Variants in TSPAN9 observed in about 807,000 individuals in gnomAD.
TSPAN9 encodes tetraspanin 9.
Under a neutral mutation model 31.0 loss-of-function variants are expected in TSPAN9, and 16 were observed. The observed-to-expected ratio is 0.52, with a 90% CI of 0.35 to 0.78. The LOEUF is 0.78. TSPAN9 is among the 30% of genes least tolerant of loss of function. The pLI is 0.01. For missense variants in TSPAN9, 272 were observed against 312.5 expected (o/e 0.87, Z 0.98); for synonymous variants, 145 against 121.6 (o/e 1.19, Z -1.27).
chr12:3,284,861 T>C lies in TSPAN9; in HGVS notation c.*1745T>C, dbSNP rs1862983440. 6.6e-6 allele frequency: 1 copy of C among 152,290 alleles called. No individual in the cohort carries two copies. The allele number at this position is 152,290 out of a possible 1,614,324, so 9.4% of individuals were successfully genotyped here. A position where few individuals can be genotyped will look rare whatever the true frequency, so the allele number is the denominator to read the frequency against. On this transcript the variant is annotated 3_prime_UTR_variant, in exon 9 of 9. Coordinates refer to ENST00000011898, the MANE Select transcript of TSPAN9 (RefSeq NM_006675.5). ...CTCTTCTCCAGCCTCCACCTGCCTG[T>C]CTGATCCAAGAGCTGAGACACGGCC...
At chr12:3,163,173 A>G (rs906929109) in intron 2 of TSPAN9, among the ~76,000 whole-genome samples, 1 of 152,174 alleles carries the variant, frequency 6.6e-6, no homozygotes, top group African/African-American at 2.4e-5. Flanking sequence ...GAATGAATGA[A>G]TGCTTTTCTA....
chr12:3,280,569 C>T lies in TSPAN9; in HGVS notation c.432+86C>T, dbSNP rs528458922. 109 of 1,275,744 alleles carry T rather than the reference C, an allele frequency of 8.5e-5. No homozygotes were observed. In the African/African-American group the frequency reaches 8.7e-4, roughly 10 times the overall value. The allele number at this position is 1,275,744 out of a possible 1,614,324, so 79.0% of individuals were successfully genotyped here. On this transcript the variant is annotated intron_variant, in intron 6 of 8. Coordinates refer to ENST00000011898, the MANE Select transcript of TSPAN9 (RefSeq NM_006675.5). This position sits in a 1 kb window ranked among gnomAD's most constrained non-coding sequence, Gnocchi z 4.5. ...TAGCTGCCTTCCCCGGTGACCTGGC[C>T]GGGCACCTGTGCTTTCTGGATTTTA... is the stretch of plus-strand genomic sequence containing the variant.
intron 3 of TSPAN9, among the ~76,000 whole-genome samples, chr12:3,201,569 C>T (rs933548984): frequency 3.9e-5 from 6 of 152,194 alleles, no homozygotes; most frequent in African/African-American, 7.2e-5. Context: ...GTGCCTCCGA[C>T]TGGGCAGCCT....
intron 3 of TSPAN9, among the ~76,000 whole-genome samples, chr12:3,228,393 A>C (rs2098388976): frequency 6.6e-6 from 1 of 152,182 alleles, no homozygotes. Context: ...AGCTCTCCTC[A>C]CATCCTGCTT....
At chr12:3,194,514 G>A (rs2098366144) in intron 2 of TSPAN9, among the ~76,000 whole-genome samples, 3 of 152,148 alleles carry the variant, frequency 2.0e-5, no homozygotes, top group African/African-American at 7.2e-5. Context: ...AGCCTCCTGA[G>A]TAGCTGGGAC....
intron 7 of TSPAN9, 125 bp from the exon 8 acceptor site, chr12:3,281,609 T>C (rs1210278031): frequency 1.6e-6 from 2 of 1,225,736 alleles, no homozygotes; most frequent in South Asian, 1.5e-5. Flanking sequence ...GGGACAGGGC[T>C]GAGGCCAGGG....
chr12:3,130,743 G>A (rs1377162051), intron 2 of TSPAN9, among the ~76,000 whole-genome samples: 4 of 152,200 alleles, frequency 2.6e-5, no homozygotes, highest in Non-Finnish European at 5.9e-5. Context: ...TTAGCAGAGT[G>A]TCTGGCACAC....
chr12:3,180,521 A>G (rs1406316571), intron 2 of TSPAN9, among the ~76,000 whole-genome samples: 1 of 152,118 alleles, frequency 6.6e-6, no homozygotes, highest in Non-Finnish European at 1.5e-5. Context: ...AGCCGATTTT[A>G]TAACCCAATA....
chr12:3,189,293 A>G (rs978435782), intron 2 of TSPAN9, among the ~76,000 whole-genome samples: 4 of 152,186 alleles, frequency 2.6e-5, no homozygotes, highest in African/African-American at 9.6e-5. Context: ...TGTTGCTGGA[A>G]GCAGAGGGCA....
At chr12:3,268,717 C>T in intron 3 of TSPAN9, among the ~76,000 whole-genome samples, 1 of 108,868 alleles carries the variant, frequency 9.2e-6, no homozygotes, top group Non-Finnish European at 1.9e-5. Context: ...TGCGTTCCTG[C>T]AGCCTGCCCT....
At chr12:3,211,665 A>G (rs2098378792) in intron 3 of TSPAN9, 3 of 1,483,684 alleles carry the variant, frequency 2.0e-6, no homozygotes, top group Admixed American at 1.7e-5. Context: ...GAGTGCTTTT[A>G]GTGCTGCTTC....
intron 3 of TSPAN9, among the ~76,000 whole-genome samples, chr12:3,237,679 G>A (rs1245881498): frequency 6.6e-6 from 1 of 152,204 alleles, no homozygotes; most frequent in East Asian, 1.9e-4. Context: ...AGAACAAATG[G>A]CAGTTTTATG....
intron 2 of TSPAN9, among the ~76,000 whole-genome samples, chr12:3,117,437 C>G (rs1473825079): frequency 6.6e-6 from 1 of 151,986 alleles, no homozygotes; most frequent in Non-Finnish European, 1.5e-5. Flanking sequence ...GACTATTTGC[C>G]CGATTTTTGT....
chr12:3,286,344 G>A lies in TSPAN9; in HGVS notation c.*3228G>A, dbSNP rs1863016455. The A allele has an allele frequency of 6.6e-6, 1 of 152,656 alleles. No individual in the cohort carries two copies. The highest frequency in any genetic ancestry group is 6.5e-5 in the Admixed American group (1 of 15,286). 9.5% of individuals were successfully genotyped at this position (152,656 alleles called of 1,614,324 possible). A position where few individuals can be genotyped will look rare whatever the true frequency, so the allele number is the denominator to read the frequency against. ...CTCCCTGCCCTGATTGGGGACTCAG[G>A]AGGTGAGGCCTGGGGGGCTTCCTGC... On this transcript the variant is annotated 3_prime_UTR_variant, in exon 9 of 9. Coordinates refer to ENST00000011898, the MANE Select transcript of TSPAN9 (RefSeq NM_006675.5). The surrounding 1 kb of genome is among the most constrained non-coding windows in gnomAD (Gnocchi z 4.1).
intron 3 of TSPAN9, among the ~76,000 whole-genome samples, chr12:3,235,298 T>C (rs2153976596): frequency 9.2e-6 from 1 of 108,754 alleles, no homozygotes; most frequent in East Asian, 3.1e-4. Context: ...ATGAGTGGAG[T>C]GAAGCGGCAA....
At chr12:3,134,978 G>C (rs368906061) in intron 2 of TSPAN9, among the ~76,000 whole-genome samples, 1 of 152,162 alleles carries the variant, frequency 6.6e-6, no homozygotes, top group East Asian at 1.9e-4. Context: ...AGGACATGGG[G>C]GAGTAGGGGA....
chr12:3,163,108 GCT>G, intron 2 of TSPAN9, among the ~76,000 whole-genome samples: 1 of 152,220 alleles, frequency 6.6e-6, no homozygotes, highest in African/African-American at 2.4e-5. Context: ...TGTTCGTGCA[GCT>G]CTCTGTGGAG....
intron 2 of TSPAN9, among the ~76,000 whole-genome samples, chr12:3,189,644 G>A (rs916450198): frequency 3.9e-5 from 6 of 152,168 alleles, no homozygotes; most frequent in Admixed American, 2.6e-4. Flanking sequence ...TGATTCGAGG[G>A]TGTGAGTTGT....
intron 3 of TSPAN9, among the ~76,000 whole-genome samples, chr12:3,249,524 C>G (rs1008486569): frequency 1.3e-5 from 2 of 152,234 alleles, no homozygotes; most frequent in African/African-American, 4.8e-5. Context: ...TCCTACAATC[C>G]TTCGTGCTTT....
Sources: gnomAD v4.1 joint callset for allele counts (sites outside exome capture counted in the v4.1 genomes callset) on GRCh38, gnomAD v4.1.1 for gene constraint, Gnocchi (gnomAD v3.1) non-coding constraint, MANE v1.5 for transcripts, NCBI Gene and HGNC (gene_info 2026-07-23, HGNC 2026-07-21) for gene names.